Variants in EGFLAM observed in about 807,000 individuals in gnomAD.
The protein encoded by EGFLAM is EGF like, fibronectin type III and laminin G domains.
In EGFLAM, 79 loss-of-function variants were observed where a neutral mutation model predicts 113.1. That is an observed-to-expected ratio of 0.70 (90% confidence interval 0.58 to 0.84). EGFLAM has a LOEUF of 0.84. Ranked by LOEUF, EGFLAM falls within the 40% of genes least tolerant of loss-of-function variation. The probability of loss-of-function intolerance (pLI) is 0.00; values close to 1 mark genes in which losing one functional copy is unlikely to be tolerated. For missense variants in EGFLAM, 1,265 were observed against 1,291.6 expected (o/e 0.98, Z 0.32); for synonymous variants, 504 against 487.6 (o/e 1.03, Z -0.44).
chr5:38,354,034 A>G (rs1219249468), intron 5 of EGFLAM, among the ~76,000 whole-genome samples: 2 of 152,332 alleles, frequency 1.3e-5, no homozygotes, highest in African/African-American at 4.8e-5. Flanking sequence ...TGGAATTAAC[A>G]ACTGGTTGTT....
At chr5:38,335,218 C>T (rs1413717659) in intron 1 of EGFLAM, among the ~76,000 whole-genome samples, 1 of 152,088 alleles carries the variant, frequency 6.6e-6, no homozygotes, top group Non-Finnish European at 1.5e-5. Context: ...TGTATGTACT[C>T]GATAAATTTT....
chr5:38,430,636 C>A (rs942487094), intron 14 of EGFLAM, among the ~76,000 whole-genome samples: 2 of 152,094 alleles, frequency 1.3e-5, no homozygotes, highest in Non-Finnish European at 2.9e-5. Context: ...GAAACAGAAC[C>A]AATAGGCTAT....
At position 38,337,371 on chromosome 5, in the gene EGFLAM, G is replaced by A. The variant is rs956529939; in HGVS notation, c.98-149G>A. On this transcript the variant is annotated intron_variant, in intron 1 of 21. Coordinates refer to ENST00000322350, the MANE Select transcript of EGFLAM (RefSeq NM_152403.4). ...AAGTGAGTGAGGTCAGCTGAGATAG[G>A]TGTGGTGTATCAGAAATTGACTGCA... The A allele has an allele frequency of 9.6e-6, 7 of 729,164 alleles. No homozygotes were observed. In the East Asian group the frequency reaches 2.0e-4, roughly 21 times the overall value. The allele number at this position is 729,164 out of a possible 1,614,324, so 45.2% of individuals were successfully genotyped here.
chr5:38,295,924 T>C (rs1287790516), intron 1 of EGFLAM, among the ~76,000 whole-genome samples: 1 of 152,196 alleles, frequency 6.6e-6, no homozygotes, highest in Non-Finnish European at 1.5e-5. Context: ...ATAGTTAGGA[T>C]TAGTGCTATT....
At chr5:38,336,792 A>G (rs1739198019) in intron 1 of EGFLAM, among the ~76,000 whole-genome samples, 2 of 151,906 alleles carry the variant, frequency 1.3e-5, no homozygotes, top group Non-Finnish European at 2.9e-5. Context: ...GAAATTTCAG[A>G]TAAGGGATGT....
At chr5:38,354,136 GA>G (rs1271231109) in intron 5 of EGFLAM, among the ~76,000 whole-genome samples, 1 of 152,148 alleles carries the variant, frequency 6.6e-6, no homozygotes, top group African/African-American at 2.4e-5. Context: ...GAGGGGAACA[GA>G]GTCTAAGATT....
At chr5:38,423,614 T>A (rs901751715) in intron 12 of EGFLAM, among the ~76,000 whole-genome samples, 1 of 152,102 alleles carries the variant, frequency 6.6e-6, no homozygotes, top group African/African-American at 2.4e-5. Flanking sequence ...AGAGTTTGGC[T>A]CTTTAAGATC....
At chr5:38,452,524 G>C (rs1742954982) in intron 19 of EGFLAM, among the ~76,000 whole-genome samples, 2 of 152,196 alleles carry the variant, frequency 1.3e-5, no homozygotes, top group South Asian at 4.1e-4. Flanking sequence ...GGGGCAGAAA[G>C]AAGACTTGGA....
intron 17 of EGFLAM, among the ~76,000 whole-genome samples, chr5:38,447,879 C>T (rs1742768614): frequency 6.6e-6 from 1 of 152,092 alleles, no homozygotes; most frequent in African/African-American, 2.4e-5. Flanking sequence ...GGTTCTGCAG[C>T]AAATTAGCTT....
intron 6 of EGFLAM, among the ~76,000 whole-genome samples, chr5:38,395,369 C>T (rs766861065): frequency 7.2e-5 from 11 of 152,008 alleles, no homozygotes; most frequent in Non-Finnish European, 1.6e-4. Flanking sequence ...TCAGCTCCCC[C>T]ACCAAGTAGC....
intron 6 of EGFLAM, among the ~76,000 whole-genome samples, chr5:38,392,692 A>T (rs915950783): frequency 6.6e-6 from 1 of 151,016 alleles, no homozygotes; most frequent in Non-Finnish European, 1.5e-5. Flanking sequence ...TCATTTTTTT[A>T]AAAAATTATA....
At chr5:38,384,382 C>T (rs1249613062) in intron 6 of EGFLAM, among the ~76,000 whole-genome samples, 2 of 152,102 alleles carry the variant, frequency 1.3e-5, no homozygotes, top group Non-Finnish European at 2.9e-5. Context: ...TGCAGAGACC[C>T]CACTTACATG....
Position 38,338,727 on chromosome 5 carries a change from A to C in EGFLAM, c.237A>C (p.Lys79Asn), listed in dbSNP as rs1322169707. The change falls in exon 3 of 22, where the codon AAA becomes AAC. Residue 79 changes from lysine to asparagine, a missense_variant. By Grantham distance (94) the Lys-to-Asn change is moderately conservative (BLOSUM62 0). Coordinates refer to ENST00000322350, the MANE Select transcript of EGFLAM (RefSeq NM_152403.4). ...TVFYSEVGADKSLQEQLHSVP... is the reference protein window; with the variant it reads ...TVFYSEVGADNSLQEQLHSVP... ...TTTACTCTGAGGTTGGCGCAGATAA[A>C]TCCCTGCAGGAGCAGTTGCACAGCG... 2 of 1,614,078 alleles carry C rather than the reference A, an allele frequency of 1.2e-6. No individual in the cohort carries two copies. Among genetic ancestry groups the C allele is most frequent in the Non-Finnish European group, 1.7e-6 (2 of 1,180,042 alleles).
intron 3 of EGFLAM, among the ~76,000 whole-genome samples, chr5:38,341,951 T>G (rs1739349207): frequency 6.6e-6 from 1 of 152,176 alleles, no homozygotes; most frequent in Non-Finnish European, 1.5e-5. Context: ...TGCCTCTGTT[T>G]TTTCCTCTCT....
intron 1 of EGFLAM, among the ~76,000 whole-genome samples, chr5:38,273,195 A>T (rs1002141541): frequency 1.3e-5 from 2 of 152,222 alleles, no homozygotes; most frequent in African/African-American, 4.8e-5. Context: ...CACTTGAGGG[A>T]AAGAAAGAGA....
chr5:38,347,847 A>G (rs560990157), intron 3 of EGFLAM, among the ~76,000 whole-genome samples: 1 of 152,298 alleles, frequency 6.6e-6, no homozygotes, highest in African/African-American at 2.4e-5. Flanking sequence ...CAGGCAGTGC[A>G]GCATTGGTGG....
At chr5:38,417,098 A>T (rs961216794) in intron 11 of EGFLAM, among the ~76,000 whole-genome samples, 3 of 152,140 alleles carry the variant, frequency 2.0e-5, no homozygotes, top group Admixed American at 6.5e-5. Context: ...TCATGCCAGT[A>T]ATCCCAGCAC....
chr5:38,369,296 A>C (rs776565881), intron 5 of EGFLAM, among the ~76,000 whole-genome samples: 5 of 152,226 alleles, frequency 3.3e-5, no homozygotes, highest in African/African-American at 4.8e-5. Context: ...AACTATTGAG[A>C]TATTTCACAT....
intron 18 of EGFLAM, 124 bp from the exon 19 acceptor site, chr5:38,451,191 A>T: frequency 7.8e-7 from 1 of 1,288,602 alleles, no homozygotes; most frequent in Non-Finnish European, 1.1e-6. Context: ...GTAATGAAGT[A>T]AGTGTCAGAA....
Sources: gnomAD v4.1 joint callset for allele counts (sites outside exome capture counted in the v4.1 genomes callset) on GRCh38, gnomAD v4.1.1 for gene constraint, MANE v1.5 for transcripts, NCBI Gene and HGNC (gene_info 2026-07-23, HGNC 2026-07-21) for gene names.